Variants in ROBO1 observed in about 807,000 individuals in gnomAD.
ROBO1 encodes roundabout homolog 1.
A neutral mutation model predicts 195.9 loss-of-function variants in ROBO1; 149 were observed. The ratio of observed to expected loss-of-function variants is 0.76; its 90% CI spans 0.67 to 0.87. The LOEUF (loss-of-function observed/expected upper bound fraction) is 0.87. Among genes scored for constraint, ROBO1 ranks in the 40% least tolerant of loss-of-function variants. ROBO1 has a pLI of 0.00. For synonymous variants in ROBO1, 816 were observed against 733.2 expected (o/e 1.11, Z -1.82); for missense variants, 1,933 against 2,068.3 (o/e 0.93, Z 1.27).
At chr3:78,603,241 A>G (rs890487123) in intron 29 of ROBO1, among the ~76,000 whole-genome samples, 12 of 152,118 alleles carry the variant, frequency 7.9e-5, no homozygotes, top group African/African-American at 2.9e-4. Flanking sequence ...TTTATTATGT[A>G]GTAGTACTGA....
chr3:79,766,632 C>T (rs972933739), intron 1 of ROBO1, among the ~76,000 whole-genome samples: 2 of 152,078 alleles, frequency 1.3e-5, no homozygotes, highest in Non-Finnish European at 2.9e-5. Context: ...CCGAGTTTTC[C>T]GCATCGGCCG....
intron 26 of ROBO1, among the ~76,000 whole-genome samples, chr3:78,620,477 A>G (rs1047165735): frequency 2.0e-4 from 31 of 152,200 alleles, no homozygotes; most frequent in Non-Finnish European, 4.0e-4. Flanking sequence ...GTGCCACTGC[A>G]CTGCATCCTG....
At chr3:79,178,370 A>T (rs1021557079) in intron 2 of ROBO1, among the ~76,000 whole-genome samples, 1 of 152,220 alleles carries the variant, frequency 6.6e-6, no homozygotes, top group African/African-American at 2.4e-5. Context: ...CGTTTCTACA[A>T]ATTCTCCCAA....
chr3:79,761,043 A>C (rs1323112772), intron 1 of ROBO1, among the ~76,000 whole-genome samples: 4 of 148,676 alleles, frequency 2.7e-5, no homozygotes, highest in Non-Finnish European at 5.9e-5. Context: ...TTAATACTGT[A>C]TATATACTAT....
intron 8 of ROBO1, among the ~76,000 whole-genome samples, chr3:78,690,156 T>C (rs1287408888): frequency 6.6e-6 from 1 of 151,136 alleles, no homozygotes; most frequent in Non-Finnish European, 1.5e-5. Flanking sequence ...ATGTATATAT[T>C]TCAAATATAA....
chr3:78,944,231 C>T (rs2040292657), intron 3 of ROBO1, among the ~76,000 whole-genome samples: 1 of 152,226 alleles, frequency 6.6e-6, no homozygotes. Context: ...ATAAATACTG[C>T]TATGGTTAAT....
At chr3:78,682,151 T>C (rs2080930647) in intron 10 of ROBO1, among the ~76,000 whole-genome samples, 2 of 152,034 alleles carry the variant, frequency 1.3e-5, no homozygotes, top group Non-Finnish European at 2.9e-5. Context: ...ATTAAATTTT[T>C]CCCCCCTGAA....
chr3:78,614,806 G>GA lies in ROBO1; in HGVS notation c.4283-7dup, dbSNP rs769760522. 8 of 1,546,064 alleles carry GA rather than the reference G, an allele frequency of 5.2e-6. No homozygotes were observed. The Admixed American group carries it at 5.9e-5, about 11-fold the overall frequency. On this transcript the variant is annotated splice_region_variant and splice_polypyrimidine_tract_variant and intron_variant, in intron 27 of 30. Transcript: ENST00000464233. ...CGCATGAAAATGTCGACGGCCTAAG[G>GA]AGAAAAAAAAAAAAAATCCAAGCCA...
intron 2 of ROBO1, among the ~76,000 whole-genome samples, chr3:79,406,153 C>G (rs2037537503): frequency 6.6e-6 from 1 of 151,360 alleles, no homozygotes; most frequent in Non-Finnish European, 1.5e-5. Flanking sequence ...GAGGAGACAG[C>G]TGGAGATAAC....
At chr3:79,213,816 C>A in intron 2 of ROBO1, among the ~76,000 whole-genome samples, 1 of 74,576 alleles carries the variant, frequency 1.3e-5, no homozygotes, top group African/African-American at 4.3e-5. Context: ...TCTCCCCTTT[C>A]TTTTTTTTTT....
intron 2 of ROBO1, among the ~76,000 whole-genome samples, chr3:79,535,708 C>G (rs1941831331): frequency 6.6e-6 from 1 of 152,066 alleles, no homozygotes. Flanking sequence ...AGGAGATTTA[C>G]TCCCTGCCAT....
intron 4 of ROBO1, among the ~76,000 whole-genome samples, chr3:78,863,959 T>C (rs1269027571): frequency 6.6e-6 from 1 of 152,210 alleles, no homozygotes; most frequent in Non-Finnish European, 1.5e-5. Context: ...AAATTTATTG[T>C]TACAGCAACC....
At position 79,442,637 on chromosome 3, in the gene ROBO1, G is replaced by T. The variant is rs574197808; in HGVS notation, c.88+147187C>A. Among the ~76,000 whole-genome samples, 3 of 151,986 alleles carry T rather than the reference G, an allele frequency of 2.0e-5. No individual in the cohort carries two copies. The South Asian group carries it at 6.2e-4, about 32-fold the overall frequency. ...AAAATTACCCTTCACAGAATGGAAG[G>T]TGCCTCAGTTGGCCACCAACCACAA... On this transcript the variant is annotated intron_variant, in intron 2 of 30. Transcript: ENST00000464233.
intron 5 of ROBO1, among the ~76,000 whole-genome samples, 156 bp downstream of exon 5, chr3:78,746,587 G>T (rs1232282963): frequency 6.6e-6 from 1 of 152,126 alleles, no homozygotes; most frequent in Non-Finnish European, 1.5e-5. Flanking sequence ...AACACAGAAA[G>T]AATTGAAATA....
chr3:79,690,314 C>T (rs185338152), intron 1 of ROBO1, among the ~76,000 whole-genome samples: 2 of 151,880 alleles, frequency 1.3e-5, no homozygotes, highest in Non-Finnish European at 2.9e-5. Flanking sequence ...AGCAAAGAAC[C>T]TTTCCTGGCT....
At chr3:79,408,967 C>T (rs934985386) in intron 2 of ROBO1, among the ~76,000 whole-genome samples, 7 of 152,028 alleles carry the variant, frequency 4.6e-5, no homozygotes, top group African/African-American at 1.7e-4. Context: ...AGAAAATACA[C>T]TTTGAGTTTC....
At chr3:79,420,657 C>T (rs2038186136) in intron 2 of ROBO1, among the ~76,000 whole-genome samples, 1 of 151,926 alleles carries the variant, frequency 6.6e-6, no homozygotes. Flanking sequence ...TTGTTTTGAC[C>T]AATAGAATGC....
intron 2 of ROBO1, among the ~76,000 whole-genome samples, chr3:79,270,524 T>A (rs557017833): frequency 1.3e-5 from 2 of 151,712 alleles, no homozygotes; most frequent in Non-Finnish European, 3.0e-5. Context: ...GTTTTTTTTT[T>A]CCCCCAGGCT....
At chr3:79,547,861 G>A (rs1289460653) in intron 2 of ROBO1, among the ~76,000 whole-genome samples, 1 of 152,034 alleles carries the variant, frequency 6.6e-6, no homozygotes, top group African/African-American at 2.4e-5. Context: ...TTTTAACAGG[G>A]GTAAAGTGGA....
Sources: gnomAD v4.1 joint callset for allele counts (sites outside exome capture counted in the v4.1 genomes callset) on GRCh38, gnomAD v4.1.1 for gene constraint, MANE v1.5 for transcripts, NCBI Gene and HGNC (gene_info 2026-07-23, HGNC 2026-07-21) for gene names.